Variants in FAM200B observed in about 807,000 individuals in gnomAD.
FAM200B encodes zinc finger BED-type containing 11, also known as protein FAM200B.
A neutral mutation model predicts 33.1 loss-of-function variants in FAM200B; 32 were observed. The ratio of observed to expected loss-of-function variants is 0.97; its 90% CI spans 0.73 to 1.30. The LOEUF (loss-of-function observed/expected upper bound fraction) is 1.30, where lower values mean the gene tolerates loss of function less well. Among genes scored for constraint, FAM200B ranks in the 50% most tolerant of loss-of-function variants. FAM200B has a pLI of 0.00. For synonymous variants in FAM200B, 240 were observed against 264.8 expected (o/e 0.91, Z 0.91); for missense variants, 741 against 754.0 (o/e 0.98, Z 0.20).
chr4:15,676,770 T>G (rs1473882247), upstream of FAM200B, among the ~76,000 whole-genome samples: 1 of 152,190 alleles, frequency 6.6e-6, no homozygotes, highest in Non-Finnish European at 1.5e-5. Flanking sequence ...TCTTTACTTT[T>G]GTGTATATTT....
At chr4:15,686,075 A>G (rs891539583) in intron 1 of FAM200B, among the ~76,000 whole-genome samples, 161 bp from the exon 2 acceptor site, 1 of 152,160 alleles carries the variant, frequency 6.6e-6, no homozygotes, top group Non-Finnish European at 1.5e-5. Flanking sequence ...GGTTTGCCTT[A>G]CAGAAATAGG....
chr4:15,640,819 T>C, the FAM200B span: 4 of 1,570,838 alleles, frequency 2.5e-6, no homozygotes, highest in Non-Finnish European at 3.4e-6. Context: ...AGGAAGAAAA[T>C]CTCTTGTAAA....
At chr4:15,664,201 T>C in the FAM200B span, among the ~76,000 whole-genome samples, 14 of 152,274 alleles carry the variant, frequency 9.2e-5, no homozygotes, top group Admixed American at 2.6e-4. Flanking sequence ...ATAAGACACA[T>C]AGTCCTCTCA....
At chr4:15,682,022 G>C (rs1032941590) in intron 1 of FAM200B, 121 bp downstream of exon 1, 2 of 152,416 alleles carry the variant, frequency 1.3e-5, no homozygotes, top group African/African-American at 4.8e-5. Flanking sequence ...TTGAGGGAAG[G>C]TGAGAGCAGA....
chr4:15,655,420 G>A, the FAM200B span: 9 of 1,000,264 alleles, frequency 9.0e-6, no homozygotes, highest in Middle Eastern at 5.1e-4. Context: ...GGTCGGCTTG[G>A]CCGGCGGGGA....
At chr4:15,656,643 A>G in the FAM200B span, among the ~76,000 whole-genome samples, 1 of 152,202 alleles carries the variant, frequency 6.6e-6, no homozygotes, top group African/African-American at 2.4e-5. Flanking sequence ...CAGACTCTGG[A>G]AGTTAAGATT....
chr4:15,683,111 A>G (rs553348038), intron 1 of FAM200B, among the ~76,000 whole-genome samples: 1 of 152,368 alleles, frequency 6.6e-6, no homozygotes, highest in East Asian at 1.9e-4. Context: ...ACTATCAAGC[A>G]TTGTAACAAT....
the FAM200B span, among the ~76,000 whole-genome samples, chr4:15,669,259 C>G: frequency 6.6e-6 from 1 of 152,102 alleles, no homozygotes; most frequent in African/African-American, 2.4e-5. Flanking sequence ...AGGCTACAAA[C>G]CAGTACAGCA....
chr4:15,655,630 G>T, the FAM200B span, among the ~76,000 whole-genome samples: 103,313 of 152,098 alleles, frequency 0.68, 35,234 homozygotes, highest in East Asian at 0.8. Flanking sequence ...GAAAGTCGTT[G>T]CAGTGGCGCT....
rs936192228 is a variant in FAM200B, at chr4:15,688,140, G to C, written c.1163G>C (p.Trp388Ser). Residue 388 changes from tryptophan to serine, a missense_variant, in exon 2 of 2, where the codon TGG becomes TCG. Transcript: ENST00000422728. ...TTACTATATCATACCAAAATTCGTT[G>C]GTTGTCTCAAGGGAAAATACTAAGC... is the stretch of plus-strand genomic sequence containing the variant. ...THLLYHTKIR[W>S]LSQGKILSRV... 4 of 1,550,922 alleles carry C rather than the reference G, an allele frequency of 2.6e-6. No individual in the cohort carries two copies. In the East Asian group the frequency reaches 7.3e-5, roughly 28 times the overall value.
the FAM200B span, among the ~76,000 whole-genome samples, chr4:15,642,353 C>T: frequency 6.6e-6 from 1 of 151,610 alleles, no homozygotes; most frequent in Non-Finnish European, 1.5e-5. Context: ...CCACCTCAGT[C>T]TCCTGAGTAG....
upstream of FAM200B, among the ~76,000 whole-genome samples, chr4:15,680,825 C>A (rs1357847612): frequency 1.3e-5 from 2 of 151,226 alleles, no homozygotes; most frequent in Non-Finnish European, 2.9e-5. Context: ...CTGTATCTAA[C>A]ATGTTTCCCT....
the FAM200B span, among the ~76,000 whole-genome samples, chr4:15,664,550 CTTTTTTTTTTT>C: frequency 2.6e-5 from 2 of 75,520 alleles, no homozygotes; most frequent in Admixed American, 2.1e-4. Flanking sequence ...GGCCCTCATC[CTTTTTTTTTTT>C]TTTTTTTTTT....
chr4:15,678,954 C>G (rs1406933387), upstream of FAM200B, among the ~76,000 whole-genome samples: 1 of 151,828 alleles, frequency 6.6e-6, no homozygotes, highest in Non-Finnish European at 1.5e-5. Context: ...TACTGGTCAG[C>G]AGAAATAAAA....
At chr4:15,641,560 A>T in the FAM200B span, 1 of 454,742 alleles carries the variant, frequency 2.2e-6, no homozygotes, top group South Asian at 1.6e-5. Flanking sequence ...TTTTACATAT[A>T]ATACATGAAA....
the FAM200B span, among the ~76,000 whole-genome samples, chr4:15,641,987 C>T: frequency 6.6e-6 from 1 of 151,628 alleles, no homozygotes; most frequent in Admixed American, 6.6e-5. Context: ...GAGATTGCAC[C>T]ACTGCACCTC....
the FAM200B span, among the ~76,000 whole-genome samples, chr4:15,660,231 C>T: frequency 6.6e-6 from 1 of 152,120 alleles, no homozygotes; most frequent in South Asian, 2.1e-4. Flanking sequence ...GCCCGTGCCA[C>T]CACACCAGGC....
At chr4:15,645,044 G>A in the FAM200B span, among the ~76,000 whole-genome samples, 1 of 151,978 alleles carries the variant, frequency 6.6e-6, no homozygotes, top group African/African-American at 2.4e-5. Context: ...ATACAGGCAG[G>A]CAGAAATTTT....
the FAM200B span, among the ~76,000 whole-genome samples, chr4:15,654,726 T>C: frequency 6.6e-6 from 1 of 151,880 alleles, no homozygotes; most frequent in Non-Finnish European, 1.5e-5. Flanking sequence ...GTGCAGAGGA[T>C]GGGTGGGTGT....
Sources: gnomAD v4.1 joint callset for allele counts (sites outside exome capture counted in the v4.1 genomes callset) on GRCh38, gnomAD v4.1.1 for gene constraint, MANE v1.5 for transcripts, NCBI Gene and HGNC (gene_info 2026-07-23, HGNC 2026-07-21) for gene names.